Variants in PLCL2 observed in about 807,000 individuals in gnomAD.
PLCL2 encodes phospholipase C like 2.
A neutral mutation model predicts 79.6 loss-of-function variants in PLCL2; 4 were observed. The ratio of observed to expected loss-of-function variants is 0.05; its 90% CI spans 0.02 to 0.11. PLCL2 has a LOEUF of 0.11. Ranked by LOEUF, PLCL2 falls within the 10% of genes least tolerant of loss-of-function variation. The probability of loss-of-function intolerance (pLI) is 1.00; values close to 1 mark genes in which losing one functional copy is unlikely to be tolerated. For synonymous variants in PLCL2, 484 were observed against 457.7 expected (o/e 1.06, Z -0.73); for missense variants, 895 against 1,291.0 (o/e 0.69, Z 4.70).
At chr3:17,067,735 C>A (rs2065023899) in intron 4 of PLCL2, among the ~76,000 whole-genome samples, 1 of 152,166 alleles carries the variant, frequency 6.6e-6, no homozygotes, top group East Asian at 1.9e-4. Context: ...CCCTTCAGAA[C>A]AATGAGGAAC....
At chr3:16,984,634 AT>A (rs2064030354) in intron 1 of PLCL2, among the ~76,000 whole-genome samples, 2 of 152,092 alleles carry the variant, frequency 1.3e-5, no homozygotes, top group African/African-American at 4.8e-5. Flanking sequence ...AAGGGTTGTT[AT>A]TTAAGAATCA....
chr3:17,045,692 T>C (rs577153100), intron 4 of PLCL2, among the ~76,000 whole-genome samples: 1 of 152,180 alleles, frequency 6.6e-6, no homozygotes, highest in Non-Finnish European at 1.5e-5. Context: ...ACCATGTTGC[T>C]AGGAGTATAT....
intron 4 of PLCL2, among the ~76,000 whole-genome samples, chr3:17,058,778 G>A (rs1249122201): frequency 6.6e-6 from 1 of 152,132 alleles, no homozygotes; most frequent in East Asian, 1.9e-4. Context: ...GAAGGTTAAG[G>A]TATGGCAGCC....
rs556667529 is a variant in PLCL2 at position 17,054,454 on chromosome 3, G to T, written c.3094+11505G>T. Among the ~76,000 whole-genome samples the T allele has an allele frequency of 2.0e-5, 3 of 152,172 alleles. No homozygotes were observed. In the East Asian group the frequency reaches 5.8e-4, roughly 29 times the overall value. On this transcript the variant is annotated intron_variant, in intron 4 of 5. Transcript: ENST00000615277. ...TTTGCCCATTACCAGTTCCAAAGCT[G>T]CTTTCACATCTTCAAGCAATGCCCT... is the stretch of plus-strand genomic sequence containing the variant.
At chr3:16,981,139 AGGGAGACTCGG>A (rs2063992355) in intron 1 of PLCL2, among the ~76,000 whole-genome samples, 3 of 138,214 alleles carry the variant, frequency 2.2e-5, no homozygotes, top group Admixed American at 7.3e-5. Context: ...AGAGAGGGAG[AGGGAGACTCGG>A]GGGAGAGGGA....
chr3:16,909,151 T>C (rs1559482826), intron 1 of PLCL2, among the ~76,000 whole-genome samples: 1 of 152,238 alleles, frequency 6.6e-6, no homozygotes, highest in Non-Finnish European at 1.5e-5. Context: ...AAGAGAGCAG[T>C]GTTTTAATGT....
chr3:17,066,877 CAA>C (rs1296171195), intron 4 of PLCL2, among the ~76,000 whole-genome samples: 1 of 151,836 alleles, frequency 6.6e-6, no homozygotes, highest in African/African-American at 2.4e-5. Context: ...CAAAGAGAAA[CAA>C]TACAATAAAA....
chr3:17,066,044 C>T (rs2065008561), intron 4 of PLCL2, among the ~76,000 whole-genome samples: 1 of 152,194 alleles, frequency 6.6e-6, no homozygotes, highest in South Asian at 2.1e-4. Context: ...TCAGTCTTAT[C>T]ATTAGGAACC....
intron 1 of PLCL2, among the ~76,000 whole-genome samples, chr3:16,971,781 A>AT (rs1335017571): frequency 3.3e-5 from 5 of 152,050 alleles, no homozygotes; most frequent in African/African-American, 1.2e-4. Context: ...TGTAAGCTGG[A>AT]TTCCTAGGTA....
chr3:16,982,502 A>C (rs2124989190), intron 1 of PLCL2, among the ~76,000 whole-genome samples: 1 of 152,372 alleles, frequency 6.6e-6, no homozygotes, highest in African/African-American at 2.4e-5. Context: ...ACAGAAATGC[A>C]CACTTCTGTG....
rs184963680 is a variant in PLCL2 at position 16,948,524 on chromosome 3, G to C, written c.328-61150G>C. Among the ~76,000 whole-genome samples the C allele has an allele frequency of 1.6e-3, 243 of 152,316 alleles. 4 individuals are homozygous for C. In the East Asian group the frequency reaches 0.02, roughly 13 times the overall value. ...TTTAAATAGATGTATTGTGTGGTGT[G>C]TGAATTATATCTCAATAAAACTATT... On this transcript the variant is annotated intron_variant, in intron 1 of 5. Coordinates refer to ENST00000615277, the MANE Select transcript of PLCL2 (RefSeq NM_001144382.2).
intron 1 of PLCL2, among the ~76,000 whole-genome samples, chr3:16,912,791 G>A (rs1308503717): frequency 6.6e-6 from 1 of 152,114 alleles, no homozygotes; most frequent in Non-Finnish European, 1.5e-5. Flanking sequence ...TATAAATAAT[G>A]CACTTTCCAA....
intron 4 of PLCL2, among the ~76,000 whole-genome samples, chr3:17,058,762 C>T (rs1272711325): frequency 6.6e-6 from 1 of 152,080 alleles, no homozygotes; most frequent in Admixed American, 6.6e-5. Flanking sequence ...TGCAGAAGAA[C>T]AAACAGAAGG....
intron 1 of PLCL2, among the ~76,000 whole-genome samples, chr3:16,944,830 G>C (rs938246982): frequency 6.6e-6 from 1 of 151,680 alleles, no homozygotes; most frequent in Non-Finnish European, 1.5e-5. Flanking sequence ...CGTGATCTTG[G>C]GTCACTGGAA....
intron 1 of PLCL2, among the ~76,000 whole-genome samples, chr3:17,006,615 G>A (rs2064262617): frequency 6.6e-6 from 1 of 152,206 alleles, no homozygotes. Context: ...GGCAACAGCA[G>A]ATGGAGGGAG....
At chr3:16,892,733 G>T (rs936397168) in intron 1 of PLCL2, among the ~76,000 whole-genome samples, 1 of 152,162 alleles carries the variant, frequency 6.6e-6, no homozygotes, top group Non-Finnish European at 1.5e-5. Context: ...AGAGATACTA[G>T]GAGATGCTTT....
intron 1 of PLCL2, among the ~76,000 whole-genome samples, chr3:16,894,918 A>G (rs193289555): frequency 2.2e-4 from 33 of 152,220 alleles, no homozygotes; most frequent in Non-Finnish European, 2.8e-4. Flanking sequence ...ATTGAAGAAA[A>G]TAAAGGATAT....
intron 5 of PLCL2, among the ~76,000 whole-genome samples, chr3:17,085,597 C>T (rs925400446): frequency 6.6e-6 from 1 of 151,898 alleles, no homozygotes; most frequent in Non-Finnish European, 1.5e-5. Flanking sequence ...CTACAGGCGC[C>T]CGCCACCACG....
intron 2 of PLCL2, 39 bp downstream of exon 2, chr3:17,012,199 C>A: frequency 3.9e-6 from 6 of 1,548,556 alleles, no homozygotes; most frequent in Non-Finnish European, 5.2e-6. Flanking sequence ...AATGGTTTTC[C>A]TACTTTGTAC....
Sources: gnomAD v4.1 joint callset for allele counts (sites outside exome capture counted in the v4.1 genomes callset) on GRCh38, gnomAD v4.1.1 for gene constraint, MANE v1.5 for transcripts, NCBI Gene and HGNC (gene_info 2026-07-23, HGNC 2026-07-21) for gene names.